RNF180: variants seen among roughly 807,000 people sequenced by gnomAD.
RNF180 encodes E3 ubiquitin-protein ligase RNF180.
Under a neutral mutation model 59.2 loss-of-function variants are expected in RNF180, and 38 were observed. The observed-to-expected ratio is 0.64, with a 90% CI of 0.50 to 0.84. RNF180 has a LOEUF of 0.84. Ranked by LOEUF, RNF180 falls within the 40% of genes least tolerant of loss-of-function variation. The pLI is 0.00. For missense variants in RNF180, 705 were observed against 700.9 expected (o/e 1.01, Z -0.07); for synonymous variants, 262 against 240.3 (o/e 1.09, Z -0.84).
intron 7 of RNF180, among the ~76,000 whole-genome samples, chr5:64,360,385 C>T (rs937507425): frequency 6.6e-6 from 1 of 151,744 alleles, no homozygotes; most frequent in African/African-American, 2.4e-5. Flanking sequence ...TAAAAACTCT[C>T]AATAAATTAG....
At chr5:64,246,835 A>G (rs1382712799) in intron 5 of RNF180, among the ~76,000 whole-genome samples, 5 of 152,228 alleles carry the variant, frequency 3.3e-5, no homozygotes, top group Non-Finnish European at 7.3e-5. Context: ...CAATATCCTG[A>G]TGAACATCTA....
At chr5:64,276,397 T>G (rs1404721312) in intron 5 of RNF180, among the ~76,000 whole-genome samples, 1 of 141,470 alleles carries the variant, frequency 7.1e-6, no homozygotes, top group Non-Finnish European at 1.5e-5. Flanking sequence ...GTGTGTTTAT[T>G]TATTTTCTCC....
chr5:64,269,905 A>G (rs142696649), intron 5 of RNF180, among the ~76,000 whole-genome samples: 17 of 152,224 alleles, frequency 1.1e-4, no homozygotes, highest in Non-Finnish European at 2.2e-4. Context: ...CACTCACTAC[A>G]GGAAATGCTA....
chr5:64,233,782 AG>A (rs1380702744), intron 5 of RNF180, among the ~76,000 whole-genome samples: 9 of 152,222 alleles, frequency 5.9e-5, no homozygotes, highest in Admixed American at 5.9e-4. Context: ...TAAAAGAAAA[AG>A]AAAAATTCAA....
At chr5:64,279,015 G>A (rs1349317468) in intron 5 of RNF180, among the ~76,000 whole-genome samples, 1 of 152,112 alleles carries the variant, frequency 6.6e-6, no homozygotes, top group Non-Finnish European at 1.5e-5. Flanking sequence ...ACAAGTAGTG[G>A]TTGAAACCAT....
At position 64,313,230 on chromosome 5, in the gene RNF180, T is replaced by G. The variant is rs577099542; in HGVS notation, c.1228-11956T>G. On this transcript the variant is annotated intron_variant, in intron 5 of 7. Coordinates refer to ENST00000389100, the MANE Select transcript of RNF180 (RefSeq NM_001113561.2). ...TAGGTAAACTGTGTGTCATGAGGTT[T>G]TGTTGTATAGATTAATTAATCACCC... Among the ~76,000 whole-genome samples the G allele has an allele frequency of 2.6e-5, 4 of 152,202 alleles. No homozygotes were observed. In the East Asian group the frequency reaches 7.7e-4, roughly 29 times the overall value.
chr5:64,170,748 G>A (rs1749894396), intron 1 of RNF180, among the ~76,000 whole-genome samples: 1 of 152,166 alleles, frequency 6.6e-6, no homozygotes, highest in South Asian at 2.1e-4. Flanking sequence ...GTGGCATCAG[G>A]AGGTGGTCTT....
chr5:64,357,233 A>G (rs1345633837), intron 7 of RNF180, among the ~76,000 whole-genome samples: 1 of 151,834 alleles, frequency 6.6e-6, no homozygotes. Context: ...TTTAAAATCT[A>G]TTTTGCATTA....
chr5:64,283,173 G>T (rs1393603922), intron 5 of RNF180, among the ~76,000 whole-genome samples: 1 of 152,116 alleles, frequency 6.6e-6, no homozygotes, highest in Non-Finnish European at 1.5e-5. Context: ...TATGAATCTG[G>T]GTGCTCCAGT....
chr5:64,279,240 T>G (rs1580169135), intron 5 of RNF180, among the ~76,000 whole-genome samples: 2 of 152,322 alleles, frequency 1.3e-5, no homozygotes, highest in South Asian at 2.1e-4. Context: ...GCTGCAGAAT[T>G]ATTGAGTACA....
intron 5 of RNF180, among the ~76,000 whole-genome samples, chr5:64,273,210 A>G (rs1741517201): frequency 6.6e-6 from 1 of 151,922 alleles, no homozygotes; most frequent in Non-Finnish European, 1.5e-5. Context: ...AAGTTACTCT[A>G]TACGGTCTAA....
intron 2 of RNF180, among the ~76,000 whole-genome samples, chr5:64,208,497 A>T (rs912558822): frequency 6.6e-6 from 1 of 152,000 alleles, no homozygotes; most frequent in African/African-American, 2.4e-5. Flanking sequence ...TATCATTTAT[A>T]TATTTGTGTG....
chr5:64,244,357 T>A (rs1272968210), intron 5 of RNF180, among the ~76,000 whole-genome samples: 7 of 150,972 alleles, frequency 4.6e-5, no homozygotes, highest in Admixed American at 4.6e-4. Context: ...AAAAGAGAAA[T>A]TGCTAACTAG....
intron 5 of RNF180, among the ~76,000 whole-genome samples, chr5:64,254,758 A>G (rs1743826712): frequency 6.6e-6 from 1 of 152,188 alleles, no homozygotes; most frequent in South Asian, 2.1e-4. Flanking sequence ...TAATATGCCT[A>G]AGGAAATGTA....
At chr5:64,322,587 C>T (rs1235111711) in intron 5 of RNF180, among the ~76,000 whole-genome samples, 5 of 134,466 alleles carry the variant, frequency 3.7e-5, no homozygotes, top group African/African-American at 5.5e-5. Context: ...ATATATATAA[C>T]GGAATATATA....
chr5:64,283,358 TG>T (rs914715530), intron 5 of RNF180, among the ~76,000 whole-genome samples: 1 of 152,166 alleles, frequency 6.6e-6, no homozygotes, highest in African/African-American at 2.4e-5. Context: ...TTTAAGCTTG[TG>T]GGTGTTACTG....
Position 64,361,420 on chromosome 5 carries a change from AT to A in RNF180, c.1580-8194del, listed in dbSNP as rs536165466. ...TTAACAGATTAAAGGAGAAAACCAT[AT>A]GAACATCTTCAGAGATACAGAGAAA... is the stretch of plus-strand genomic sequence containing the variant. On this transcript the variant is annotated intron_variant, in intron 7 of 7. Coordinates refer to ENST00000389100, the MANE Select transcript of RNF180 (RefSeq NM_001113561.2). Among the ~76,000 whole-genome samples the A allele has an allele frequency of 1.6e-3, 241 of 151,736 alleles. 2 individuals carry two copies. The highest frequency in any genetic ancestry group is 5.5e-3 in the African/African-American group (227 of 41,514).
chr5:64,342,652 G>A (rs1745400286), intron 7 of RNF180, among the ~76,000 whole-genome samples: 1 of 152,036 alleles, frequency 6.6e-6, no homozygotes, highest in African/African-American at 2.4e-5. Context: ...ACCTATATAG[G>A]ATGGATGGCT....
intron 4 of RNF180, among the ~76,000 whole-genome samples, chr5:64,214,759 A>G (rs1752526069): frequency 6.6e-6 from 1 of 152,162 alleles, no homozygotes; most frequent in African/African-American, 2.4e-5. Context: ...CGCAATTCTA[A>G]TATTTTAGAG....
Sources: gnomAD v4.1 joint callset for allele counts (sites outside exome capture counted in the v4.1 genomes callset) on GRCh38, gnomAD v4.1.1 for gene constraint, MANE v1.5 for transcripts, NCBI Gene and HGNC (gene_info 2026-07-23, HGNC 2026-07-21) for gene names.